PARD3: variants seen among roughly 807,000 people sequenced by gnomAD.
PARD3 encodes the protein partitioning defective 3 homolog.
Under a neutral mutation model 155.4 loss-of-function variants are expected in PARD3, and 75 were observed. The observed-to-expected ratio is 0.48, with a 90% confidence interval of 0.40 to 0.58. PARD3 has a LOEUF of 0.58. PARD3 is among the 20% of genes least tolerant of loss of function. The pLI, the probability that PARD3 is intolerant of heterozygous loss-of-function variation, is 0.00. For missense variants in PARD3, 1,642 were observed against 1,721.7 expected (o/e 0.95, Z 0.82); for synonymous variants, 576 against 610.5 (o/e 0.94, Z 0.83).
intron 5 of PARD3, among the ~76,000 whole-genome samples, chr10:34,438,922 G>A (rs994390589): frequency 6.6e-6 from 1 of 152,124 alleles, no homozygotes; most frequent in East Asian, 1.9e-4. Context: ...TGCAAGCCAG[G>A]CTGGTGCCAC....
intron 1 of PARD3, among the ~76,000 whole-genome samples, chr10:34,764,104 C>G (rs1468496759): frequency 2.0e-5 from 3 of 152,182 alleles, no homozygotes; most frequent in Non-Finnish European, 2.9e-5. Context: ...CACCGTCCTG[C>G]ATGCTAGTTG....
intron 5 of PARD3, among the ~76,000 whole-genome samples, chr10:34,426,938 C>T (rs898552911): frequency 4.6e-5 from 7 of 152,126 alleles, no homozygotes; most frequent in Non-Finnish European, 8.8e-5. Flanking sequence ...CTGCAATCTC[C>T]GAACATAAAT....
At chr10:34,410,013 C>T (rs1316629586) in intron 5 of PARD3, among the ~76,000 whole-genome samples, 1 of 152,158 alleles carries the variant, frequency 6.6e-6, no homozygotes, top group East Asian at 1.9e-4. Flanking sequence ...ATAATAGTAT[C>T]TATCTCAGAG....
At chr10:34,639,882 C>T (rs1590355512) in intron 2 of PARD3, among the ~76,000 whole-genome samples, 1 of 152,210 alleles carries the variant, frequency 6.6e-6, no homozygotes, top group East Asian at 1.9e-4. Flanking sequence ...ACACCACACA[C>T]ACACAGTAAA....
intron 2 of PARD3, among the ~76,000 whole-genome samples, chr10:34,554,609 T>C (rs1212070461): frequency 1.3e-5 from 2 of 152,172 alleles, no homozygotes; most frequent in African/African-American, 4.8e-5. Context: ...GGAAAATAAA[T>C]CTAGCAGTTA....
chr10:34,619,364 G>C (rs970787854), intron 2 of PARD3, among the ~76,000 whole-genome samples: 1 of 152,028 alleles, frequency 6.6e-6, no homozygotes, highest in African/African-American at 2.4e-5. Flanking sequence ...GTCCCATAAA[G>C]TCTTTACGGT....
At position 34,109,783 on chromosome 10, in the gene PARD3, A is replaced by G. The variant is rs1434576580; in HGVS notation, c.*1386T>C. 1 of 152,178 alleles carries G rather than the reference A, an allele frequency of 6.6e-6. No homozygotes were observed. The highest frequency in any genetic ancestry group is 2.4e-5 in the African/African-American group (1 of 41,434). The allele number at this position is 152,178 out of a possible 1,614,324, so 9.4% of individuals were successfully genotyped here. ...GTGTGTGGACACATCATTTCTAAAA[A>G]CAAGTCAACACAAAAATACAATGTG... On this transcript the variant is annotated 3_prime_UTR_variant, in exon 25 of 25. Coordinates refer to ENST00000374788, the MANE Select transcript of PARD3 (RefSeq NM_001184785.2).
At chr10:34,199,288 A>C (rs1951098938) in intron 22 of PARD3, among the ~76,000 whole-genome samples, 1 of 152,150 alleles carries the variant, frequency 6.6e-6, no homozygotes, top group Non-Finnish European at 1.5e-5. Context: ...GTCAATTCAC[A>C]ATTAACCTTG....
intron 1 of PARD3, among the ~76,000 whole-genome samples, chr10:34,748,395 G>T (rs551625881): frequency 6.6e-6 from 1 of 152,208 alleles, no homozygotes; most frequent in South Asian, 2.1e-4. Flanking sequence ...GATTGAGCCC[G>T]GGAGGCGGAG....
intron 2 of PARD3, among the ~76,000 whole-genome samples, chr10:34,620,664 GATAA>G (rs1388318577): frequency 6.6e-6 from 1 of 152,130 alleles, no homozygotes; most frequent in Non-Finnish European, 1.5e-5. Context: ...ACCTCTCACA[GATAA>G]ATAGATAAAA....
chr10:34,668,301 C>A (rs965021222), intron 2 of PARD3, among the ~76,000 whole-genome samples: 20 of 152,178 alleles, frequency 1.3e-4, no homozygotes, highest in African/African-American at 4.6e-4. Flanking sequence ...CATAAAAATA[C>A]CTTCCTCTGG....
At chr10:34,224,770 T>A (rs1006213819) in intron 22 of PARD3, among the ~76,000 whole-genome samples, 2 of 152,172 alleles carry the variant, frequency 1.3e-5, no homozygotes, top group African/African-American at 2.4e-5. Flanking sequence ...CATCTGAGGG[T>A]TTCCAGGTTT....
At chr10:34,196,794 C>T (rs1163874786) in intron 22 of PARD3, among the ~76,000 whole-genome samples, 5 of 152,048 alleles carry the variant, frequency 3.3e-5, no homozygotes, top group Non-Finnish European at 5.9e-5. Context: ...AGGATGGTCT[C>T]TATCTCCTGA....
At chr10:34,423,014 A>G (rs181297660) in intron 5 of PARD3, among the ~76,000 whole-genome samples, 1 of 152,190 alleles carries the variant, frequency 6.6e-6, no homozygotes, top group Non-Finnish European at 1.5e-5. Flanking sequence ...ACATTAGCGA[A>G]GACATGGAAT....
At chr10:34,662,042 C>T (rs2093339151) in intron 2 of PARD3, among the ~76,000 whole-genome samples, 1 of 152,158 alleles carries the variant, frequency 6.6e-6, no homozygotes, top group African/African-American at 2.4e-5. Flanking sequence ...ACCGTGAAGG[C>T]TACTACTGGG....
intron 1 of PARD3, among the ~76,000 whole-genome samples, chr10:34,762,798 G>A (rs1426353678): frequency 2.0e-5 from 3 of 152,188 alleles, no homozygotes; most frequent in Admixed American, 6.5e-5. Context: ...ATGAGCCATA[G>A]ACATGACTTC....
intron 22 of PARD3, among the ~76,000 whole-genome samples, chr10:34,207,860 A>G (rs539962418): frequency 1.3e-5 from 2 of 152,306 alleles, no homozygotes; most frequent in African/African-American, 4.8e-5. Flanking sequence ...AAAACCCAGA[A>G]TGACTGATTT....
chr10:34,629,013 C>G (rs755657296), intron 2 of PARD3, among the ~76,000 whole-genome samples: 28 of 152,152 alleles, frequency 1.8e-4, no homozygotes, highest in Non-Finnish European at 3.1e-4. Flanking sequence ...AGCCCTCCCC[C>G]AAAATGGGGA....
chr10:34,515,578 C>T lies in PARD3; in HGVS notation c.403+1401G>A, dbSNP rs576424443. 9.8e-5 allele frequency among the ~76,000 whole-genome samples: 15 copies of T among 152,302 alleles called. No individual in the cohort carries two copies. In the South Asian group the frequency reaches 1.7e-3, roughly 17 times the overall value. Reference sequence around the variant, plus strand: ...TAAATTCTCTACACTCTGTATGGCGCATTGTCCTGTGGGTTCTGATGGGCT... The same window carrying T: ...TAAATTCTCTACACTCTGTATGGCGTATTGTCCTGTGGGTTCTGATGGGCT... On this transcript the variant is annotated intron_variant, in intron 3 of 24. Coordinates refer to ENST00000374788, the MANE Select transcript of PARD3 (RefSeq NM_001184785.2).
Sources: allele counts gnomAD v4.1 joint callset (sites outside exome capture counted in the v4.1 genomes callset), GRCh38; gene constraint gnomAD v4.1.1; transcripts MANE v1.5; gene names NCBI Gene and HGNC (gene_info 2026-07-23, HGNC 2026-07-21).